Variants in RBFOX1 observed in about 807,000 individuals in gnomAD.
RBFOX1 encodes RNA binding protein fox-1 homolog 1.
Under a neutral mutation model 57.7 loss-of-function variants are expected in RBFOX1, and 8 were observed. That is an observed-to-expected ratio of 0.14 (90% CI 0.08 to 0.25). The LOEUF is 0.25. Among genes scored for constraint, RBFOX1 ranks in the 10% least tolerant of loss-of-function variants. The pLI, the probability that RBFOX1 is intolerant of heterozygous loss-of-function variation, is 1.00. For missense variants in RBFOX1, 611 were observed against 548.5 expected, an observed-to-expected ratio of 1.11 and a Z score of -1.14; for synonymous variants, 326 against 222.4, an observed-to-expected ratio of 1.47 and a Z score of -4.15.
intron 2 of RBFOX1, among the ~76,000 whole-genome samples, chr16:6,338,106 C>G (rs1364291193): frequency 6.6e-6 from 1 of 152,184 alleles, no homozygotes; most frequent in Non-Finnish European, 1.5e-5. Context: ...TGATATTCTA[C>G]TATCAGATAC....
intron 4 of RBFOX1, among the ~76,000 whole-genome samples, chr16:7,334,613 C>T (rs892576936): frequency 1.3e-5 from 2 of 152,160 alleles, no homozygotes; most frequent in African/African-American, 4.8e-5. Context: ...ACGGCACCCA[C>T]TGAAATGGGT....
intron 3 of RBFOX1, among the ~76,000 whole-genome samples, chr16:7,028,179 G>A (rs2041547571): frequency 6.6e-6 from 1 of 152,132 alleles, no homozygotes; most frequent in South Asian, 2.1e-4. Context: ...CAGATTTGAA[G>A]AAGGATAGAT....
rs778903879 is a variant in RBFOX1 at position 7,660,348 on chromosome 16, A to G, written c.891-4581A>G. Among the ~76,000 whole-genome samples the G allele has an allele frequency of 1.1e-3, 174 of 152,334 alleles. 1 individual carries two copies. Among genetic ancestry groups the G allele is most frequent in the Middle Eastern group, 3.4e-3 (1 of 292 alleles). On this transcript the variant is annotated intron_variant, in intron 12 of 15. Transcript: ENST00000550418. ...GCTAGACGGACCATCTCTGCATTGA[A>G]ATATGACTGCGCCTGTTTAGTGCGC...
chr16:6,459,754 A>G (rs931824720), intron 2 of RBFOX1, among the ~76,000 whole-genome samples: 2 of 151,936 alleles, frequency 1.3e-5, no homozygotes, highest in African/African-American at 2.4e-5. Flanking sequence ...AGGTGGGCGG[A>G]TCACCTGAGA....
At chr16:7,499,117 C>A (rs1435165066) in intron 4 of RBFOX1, among the ~76,000 whole-genome samples, 1 of 152,320 alleles carries the variant, frequency 6.6e-6, no homozygotes, top group South Asian at 2.1e-4. Flanking sequence ...TAGAAATTTA[C>A]TGGCTCACAG....
chr16:7,700,059 A>T (rs944059591), intron 14 of RBFOX1, among the ~76,000 whole-genome samples: 4 of 152,058 alleles, frequency 2.6e-5, no homozygotes, highest in Admixed American at 6.5e-5. Context: ...GAACCTCCCT[A>T]CTTCTCAACC....
chr16:7,352,350 G>A (rs918573680), intron 4 of RBFOX1, among the ~76,000 whole-genome samples: 1 of 152,182 alleles, frequency 6.6e-6, no homozygotes, highest in Non-Finnish European at 1.5e-5. Context: ...AAGTCGGAGA[G>A]AACTGAAGCT....
intron 4 of RBFOX1, among the ~76,000 whole-genome samples, chr16:5,911,755 G>A (rs2058607305): frequency 1.3e-5 from 2 of 152,172 alleles, no homozygotes; most frequent in South Asian, 2.1e-4. Context: ...TGGTTCACAG[G>A]TGGTGCCTTT....
rs1261646855 is a variant in RBFOX1, at chr16:7,449,731, G to GT, written c.28-68416_28-68415insT. On this transcript the variant is annotated intron_variant, in intron 4 of 15. Transcript: ENST00000550418. The stretch of plus-strand genomic sequence containing the variant: ...AAACATGTATGTGTGTGTGTGTGTG[G>GT]GGGGGGGGGGTTGTTTTGTTTTGTT... 9.7e-4 allele frequency among the ~76,000 whole-genome samples: 103 copies of GT among 106,596 alleles called. 1 individual carries two copies. The highest frequency in any genetic ancestry group is 4.7e-3 in the Middle Eastern group (1 of 212). 69.9% of individuals were successfully genotyped at this position (106,596 alleles called of 152,430 possible). A position where few individuals can be genotyped will look rare whatever the true frequency, so the allele number is the denominator to read the frequency against.
At chr16:6,574,874 T>C (rs1393896131) in intron 2 of RBFOX1, among the ~76,000 whole-genome samples, 1 of 150,672 alleles carries the variant, frequency 6.6e-6, no homozygotes, top group Non-Finnish European at 1.5e-5. Flanking sequence ...CCGTCTCTAC[T>C]AAAAATACAA....
intron 2 of RBFOX1, among the ~76,000 whole-genome samples, chr16:5,483,812 T>A (rs1206638787): frequency 1.3e-5 from 2 of 152,316 alleles, no homozygotes. Context: ...TTTCTCTGTG[T>A]CGGCATTTGT....
At chr16:7,592,802 A>T (rs1194156947) in intron 7 of RBFOX1, among the ~76,000 whole-genome samples, 1 of 152,058 alleles carries the variant, frequency 6.6e-6, no homozygotes, top group Non-Finnish European at 1.5e-5. Context: ...AGCAATATAA[A>T]ATTCTATTTA....
rs1425944647 is a variant in RBFOX1 at position 6,084,987 on chromosome 16, G to C, written c.-127+64995G>C. The stretch of plus-strand genomic sequence containing the variant: ...TAGTGATCAGAGTTCATTTGCAGAA[G>C]TGGTTTCCTTTTCCCCAATCAACTT... On this transcript the variant is annotated intron_variant, in intron 1 of 15. Coordinates refer to ENST00000550418, the MANE Select transcript of RBFOX1 (RefSeq NM_018723.4). 3.9e-5 allele frequency among the ~76,000 whole-genome samples: 6 copies of C among 152,196 alleles called. No homozygotes were observed. In the East Asian group the frequency reaches 9.6e-4, roughly 24 times the overall value.
chr16:7,434,502 A>G (rs1232316918), intron 4 of RBFOX1, among the ~76,000 whole-genome samples: 2 of 151,962 alleles, frequency 1.3e-5, no homozygotes, highest in Non-Finnish European at 2.9e-5. Flanking sequence ...AAAAATAAAA[A>G]TAAAAAAAAT....
intron 4 of RBFOX1, among the ~76,000 whole-genome samples, chr16:7,404,228 T>G (rs1012182142): frequency 4.6e-5 from 7 of 151,978 alleles, no homozygotes; most frequent in African/African-American, 1.4e-4. Context: ...AAGTTTTGTA[T>G]TTTTAGTACA....
intron 7 of RBFOX1, among the ~76,000 whole-genome samples, chr16:7,592,094 C>A (rs981320377): frequency 3.3e-5 from 5 of 152,124 alleles, no homozygotes; most frequent in Non-Finnish European, 5.9e-5. Context: ...GTAGGAAAGT[C>A]TGTCTGGCAT....
chr16:6,298,524 T>C lies in RBFOX1; in HGVS notation c.-126-18471T>C, dbSNP rs2078409859. ...AGAGTGACTGCTGGTAAGCCTTGAT[T>C]TCTTTTCAAATTCAGTTGAACGCAG... On this transcript the variant is annotated intron_variant, in intron 1 of 15. Transcript: ENST00000550418. 2.6e-5 allele frequency among the ~76,000 whole-genome samples: 4 copies of C among 152,212 alleles called. No homozygotes were observed. In the South Asian group the frequency reaches 8.3e-4, roughly 32 times the overall value.
chr16:6,721,170 C>T (rs751157892), intron 3 of RBFOX1, among the ~76,000 whole-genome samples: 10 of 152,156 alleles, frequency 6.6e-5, no homozygotes, highest in African/African-American at 9.7e-5. Flanking sequence ...TGGCCGGGCA[C>T]GGTGGCTCAC....
chr16:6,884,909 C>G (rs1475455973), intron 3 of RBFOX1, among the ~76,000 whole-genome samples: 1 of 151,976 alleles, frequency 6.6e-6, no homozygotes, highest in African/African-American at 2.4e-5. Flanking sequence ...AACAAACAAA[C>G]AAAACAAAAA....
Sources: gnomAD v4.1 joint callset for allele counts (sites outside exome capture counted in the v4.1 genomes callset) on GRCh38, gnomAD v4.1.1 for gene constraint, MANE v1.5 for transcripts, NCBI Gene and HGNC (gene_info 2026-07-23, HGNC 2026-07-21) for gene names.